Variants in YEATS2 observed in about 807,000 individuals in gnomAD.
YEATS2 encodes the protein YEATS domain-containing protein 2.
A neutral mutation model predicts 163.2 loss-of-function variants in YEATS2; 77 were observed. That is an observed-to-expected ratio of 0.47 (90% confidence interval 0.39 to 0.57). The LOEUF is 0.57. Among genes scored for constraint, YEATS2 ranks in the 20% least tolerant of loss-of-function variants. The pLI is 0.00. For synonymous variants in YEATS2, 631 were observed against 645.1 expected (o/e 0.98, Z 0.33); for missense variants, 1,549 against 1,729.8 (o/e 0.90, Z 1.85).
Position 183,773,647 on chromosome 3 carries a change from C to G in YEATS2, c.2221C>G (p.Gln741Glu), listed in dbSNP as rs1189887398. ...GSQGSVMATL[Q>E]LPATNLANLA... Reference sequence around the variant, plus strand: ...TACCATTTTAGTAATGGCAACGTTGCAGCTACCAGCCACTAATTTGGCCAA... The same window carrying G: ...TACCATTTTAGTAATGGCAACGTTGGAGCTACCAGCCACTAATTTGGCCAA... The change falls in exon 17 of 31, where the codon CAG becomes GAG. Residue 741 changes from glutamine to glutamate, a missense_variant. Physicochemically the swap from Gln to Glu is conservative, Grantham distance 29. Coordinates refer to ENST00000305135, the MANE Select transcript of YEATS2 (RefSeq NM_018023.5). The G allele has an allele frequency of 6.2e-7, 1 of 1,606,038 alleles. No homozygotes were observed. Among genetic ancestry groups the G allele is most frequent in the Admixed American group, 1.7e-5 (1 of 57,988 alleles).
intron 19 of YEATS2, among the ~76,000 whole-genome samples, chr3:183,779,316 C>T (rs1181160248): frequency 6.6e-6 from 1 of 152,166 alleles, no homozygotes; most frequent in Non-Finnish European, 1.5e-5. Context: ...ATTTGGTGTC[C>T]TCTTTTGTTC....
intron 29 of YEATS2, 101 bp from the exon 30 acceptor site, chr3:183,808,996 C>G: frequency 8.6e-7 from 1 of 1,157,648 alleles, no homozygotes; most frequent in Non-Finnish European, 1.3e-6. Context: ...TCCCTAGTTG[C>G]AGTGGTTTCA....
chr3:183,806,160 A>G, intron 27 of YEATS2: 1 of 383,692 alleles, frequency 2.6e-6, no homozygotes, highest in Non-Finnish European at 5.1e-6. Context: ...GGCCATCGTA[A>G]GTTGAAAATA....
Position 183,728,826 on chromosome 3 carries a change from A to G in YEATS2, c.787A>G (p.Lys263Glu), listed in dbSNP as rs1717404131. Residue 263 changes from lysine to glutamate, a missense_variant, in exon 7 of 31, where the codon AAA becomes GAA. Physicochemically the swap from Lys to Glu is moderately conservative, Grantham distance 56. Transcript: ENST00000305135. ...KVWFFLHPSYKPNDLVEVREP... is the reference protein window; with the variant it reads ...KVWFFLHPSYEPNDLVEVREP... ...TTGGTTCTTCCTTCATCCTAGCTAT[A>G]AACCAAATGACCTTGTGGAAGTTAG... is the stretch of plus-strand genomic sequence containing the variant. The G allele has an allele frequency of 6.2e-7, 1 of 1,613,204 alleles. No individual in the cohort carries two copies. Among genetic ancestry groups the G allele is most frequent in the East Asian group, 2.2e-5 (1 of 44,874 alleles).
chr3:183,803,828 CTTTT>C, intron 26 of YEATS2, 155 bp from the exon 27 acceptor site: 1 of 586,716 alleles, frequency 1.7e-6, no homozygotes, highest in East Asian at 3.7e-5. Context: ...GGAAGTTCGA[CTTTT>C]TTTTTTAATG....
intron 13 of YEATS2, among the ~76,000 whole-genome samples, chr3:183,761,237 G>A (rs1041407872): frequency 3.3e-5 from 5 of 151,710 alleles, no homozygotes; most frequent in African/African-American, 1.2e-4. Flanking sequence ...ACAGGCACCC[G>A]CCACCACACC....
In YEATS2 at chr3:183,803,956, T is replaced by C. The variant is rs750084076; in HGVS notation, c.3583-31T>C. ...GTTGTGTTAAGTGGAAGGATTTGAT[T>C]ATGGTTCCAAAAGAAAATTTTTTTT... On this transcript the variant is annotated intron_variant, in intron 26 of 30. Coordinates refer to ENST00000305135, the MANE Select transcript of YEATS2 (RefSeq NM_018023.5). 2.5e-6 allele frequency: 4 copies of C among 1,610,280 alleles called. No individual in the cohort carries two copies. In the East Asian group the frequency reaches 8.9e-5, roughly 36 times the overall value.
At chr3:183,755,995 C>T (rs1577121396) in intron 11 of YEATS2, among the ~76,000 whole-genome samples, 2 of 152,060 alleles carry the variant, frequency 1.3e-5, no homozygotes, top group African/African-American at 4.8e-5. Context: ...ATCCGCCTGC[C>T]TCGGCCTCCC....
At chr3:183,727,637 T>C (rs575210033) in intron 6 of YEATS2, among the ~76,000 whole-genome samples, 15 of 152,298 alleles carry the variant, frequency 9.8e-5, no homozygotes, top group Admixed American at 3.3e-4. Flanking sequence ...AAGGCCTGAC[T>C]ATATTTTCTA....
chr3:183,800,486 C>A lies in YEATS2; in HGVS notation c.3346C>A (p.Pro1116Thr), dbSNP rs776502400. Residue 1116 changes from proline to threonine, a missense_variant, in exon 24 of 31, where the codon CCT becomes ACT. Transcript: ENST00000305135. ...VAKVKTEPET[P>T]GPSCLSQEGQ... ...TGTAGTGAAGACTGAACCAGAAACA[C>A]CTGGACCGAGTTGCCTCTCTCAGGA... is the stretch of plus-strand genomic sequence containing the variant. 3.1e-6 allele frequency: 5 copies of A among 1,614,108 alleles called. No homozygotes were observed. Among genetic ancestry groups the A allele is most frequent in the Non-Finnish European group, 4.2e-6 (5 of 1,179,972 alleles).
At chr3:183,732,179 CGTGGCTCAAGCCTGTA>C (rs1265663894) in intron 7 of YEATS2, among the ~76,000 whole-genome samples, 51 of 152,112 alleles carry the variant, frequency 3.4e-4, no homozygotes, top group African/African-American at 1.2e-3. Flanking sequence ...GGCTGGGCAC[CGTGGCTCAAGCCTGTA>C]ATCCCAGCAC....
chr3:183,809,534 G>T, intron 30 of YEATS2: 1 of 164,148 alleles, frequency 6.1e-6, no homozygotes, highest in Non-Finnish European at 1.3e-5. Flanking sequence ...GTTTTTCATT[G>T]CAGAACTATT....
At position 183,803,378 on chromosome 3, in the gene YEATS2, C is replaced by T. The variant is rs1227977658; in HGVS notation, c.3582+43C>T. 3 of 1,554,212 alleles carry T rather than the reference C, an allele frequency of 1.9e-6. No homozygotes were observed. The East Asian group carries it at 6.8e-5, about 35-fold the overall frequency. On this transcript the variant is annotated intron_variant, in intron 26 of 30. Transcript: ENST00000305135. The stretch of plus-strand genomic sequence containing the variant: ...GTCCACTCTGGCTGCCTCCAGAAAC[C>T]TTGTCTTATGGAACAGGGATAAGAT...
chr3:183,796,075 C>T (rs113224570), intron 21 of YEATS2, among the ~76,000 whole-genome samples: 3 of 150,562 alleles, frequency 2.0e-5, no homozygotes, highest in South Asian at 2.1e-4. Flanking sequence ...CTCCGCCTCC[C>T]GAGTTCAAGT....
chr3:183,786,599 C>G (rs1724089830), intron 20 of YEATS2, among the ~76,000 whole-genome samples: 1 of 152,146 alleles, frequency 6.6e-6, no homozygotes, highest in Non-Finnish European at 1.5e-5. Context: ...TCCTTCTGTT[C>G]TAGGCGACCG....
chr3:183,732,758 C>T (rs1717934780), intron 7 of YEATS2, among the ~76,000 whole-genome samples: 1 of 151,714 alleles, frequency 6.6e-6, no homozygotes, highest in South Asian at 2.1e-4. Flanking sequence ...GATGGGGTTT[C>T]ACTTATTAGC....
Position 183,747,752 on chromosome 3 carries a change from G to C in YEATS2, c.969+36G>C, listed in dbSNP as rs747922203. ...TTCCTACAGTATTATCTGGGAATGAGTAGGATGAAAATTGATCTTCATTTT... is the reference window on the plus strand; with the variant it reads ...TTCCTACAGTATTATCTGGGAATGACTAGGATGAAAATTGATCTTCATTTT... On this transcript the variant is annotated intron_variant, in intron 9 of 30. Transcript: ENST00000305135. 3 of 1,590,544 alleles carry C rather than the reference G, an allele frequency of 1.9e-6. No homozygotes were observed. The East Asian group carries it at 6.7e-5, about 36-fold the overall frequency.
At chr3:183,761,663 GCATGTTGGAGTTCATTGC>G in intron 14 of YEATS2, 49 bp downstream of exon 14, 2 of 1,558,484 alleles carry the variant, frequency 1.3e-6, no homozygotes, top group South Asian at 2.2e-5. Context: ...ACTTTTTGTG[GCATGTTGGAGTTCATTGC>G]CACTACCCCT....
rs560093566 is a variant in YEATS2, at chr3:183,697,876, G to C, written c.-137G>C. ...GCCGTGTGCTTCCGCAGGTTGCGGG[G>C]GTCGCTGGGGCCTTGTGGCGGGGCA... On this transcript the variant is annotated 5_prime_UTR_variant, in exon 1 of 31. Coordinates refer to ENST00000305135, the MANE Select transcript of YEATS2 (RefSeq NM_018023.5). 92 of 151,564 alleles carry C rather than the reference G, an allele frequency of 6.1e-4. No homozygotes were observed. Among genetic ancestry groups the C allele is most frequent in the African/African-American group, 2.2e-3 (91 of 41,430 alleles). The allele number at this position is 151,564 out of a possible 1,614,324, so 9.4% of individuals were successfully genotyped here. A position where few individuals can be genotyped will look rare whatever the true frequency, so the allele number is the denominator to read the frequency against.
Sources: allele counts gnomAD v4.1 joint callset (sites outside exome capture counted in the v4.1 genomes callset), GRCh38; gene constraint gnomAD v4.1.1; transcripts MANE v1.5; gene names NCBI Gene and HGNC (gene_info 2026-07-23, HGNC 2026-07-21).